RBM28: variants seen among roughly 807,000 people sequenced by gnomAD.
RBM28 encodes the protein RNA-binding protein 28.
In RBM28, 78 loss-of-function variants were observed where a neutral mutation model predicts 98.3. That is an observed-to-expected ratio of 0.79 (90% confidence interval 0.66 to 0.96). RBM28 has a LOEUF of 0.96. RBM28 is among the 40% of genes least tolerant of loss of function. The pLI, the probability that RBM28 is intolerant of heterozygous loss-of-function variation, is 0.00. For synonymous variants in RBM28, 306 were observed against 330.9 expected, an observed-to-expected ratio of 0.92 and a Z score of 0.82; for missense variants, 838 against 913.0, an observed-to-expected ratio of 0.92 and a Z score of 1.06.
At chr7:128,333,856 CAA>C (rs766634243) in intron 8 of RBM28, among the ~76,000 whole-genome samples, 7 of 152,058 alleles carry the variant, frequency 4.6e-5, no homozygotes, top group Admixed American at 1.3e-4. Flanking sequence ...ATTGCAAAAT[CAA>C]AAAGACTGAT....
intron 1 of RBM28, among the ~76,000 whole-genome samples, chr7:128,341,857 C>G (rs1032482437): frequency 1.3e-5 from 2 of 152,166 alleles, no homozygotes; most frequent in African/African-American, 4.8e-5. Context: ...TATGGACGTA[C>G]TCCTATACTA....
chr7:128,331,005 GAGTT>G (rs2116368907), intron 9 of RBM28, 77 bp from the exon 10 acceptor site: 2 of 966,132 alleles, frequency 2.1e-6, no homozygotes, highest in East Asian at 4.8e-5. Context: ...CAATGTAAGT[GAGTT>G]AGATATCAAC....
In RBM28 at chr7:128,316,954, T is replaced by G. The variant is rs142615303; in HGVS notation, c.1788+705A>C. On this transcript the variant is annotated intron_variant, in intron 16 of 18. Coordinates refer to ENST00000223073, the MANE Select transcript of RBM28 (RefSeq NM_018077.3). ...TATGCAAGGGAACTTTGCTGTGCAATATCAATGAGAGCTCTAAGAATGACA... is the reference window on the plus strand; with the variant it reads ...TATGCAAGGGAACTTTGCTGTGCAAGATCAATGAGAGCTCTAAGAATGACA... 7.5e-3 allele frequency among the ~76,000 whole-genome samples: 1,144 copies of G among 152,236 alleles called. 21 individuals are homozygous for G. The highest frequency in any genetic ancestry group is 0.026 in the African/African-American group (1,076 of 41,528).
rs1796522422 is a variant in RBM28, at chr7:128,333,208, A to T, written c.1019+82T>A. 6 of 1,130,308 alleles carry T rather than the reference A, an allele frequency of 5.3e-6. No homozygotes were observed. In the South Asian group the frequency reaches 7.5e-5, roughly 14 times the overall value. 70.0% of individuals were successfully genotyped at this position (1,130,308 alleles called of 1,614,324 possible). On this transcript the variant is annotated intron_variant, in intron 9 of 18. Coordinates refer to ENST00000223073, the MANE Select transcript of RBM28 (RefSeq NM_018077.3). Reference sequence around the variant, plus strand: ...ATCTAATTTCTGGGCTAGGTAACAGAACTAGTGCCAAAAAGAGAAGAAGAA... The same window carrying T: ...ATCTAATTTCTGGGCTAGGTAACAGTACTAGTGCCAAAAAGAGAAGAAGAA...
intron 16 of RBM28, among the ~76,000 whole-genome samples, chr7:128,317,148 G>A (rs991999571): frequency 1.3e-5 from 2 of 152,174 alleles, no homozygotes; most frequent in Non-Finnish European, 2.9e-5. Context: ...ACAAACTGAA[G>A]TTCAGAGCGG....
Position 128,303,674 on chromosome 7 carries a change from T to C in RBM28, c.*7123A>G, listed in dbSNP as rs1056764396. ...AAGTATCTTTCCATCCCTGTTGGTA[T>C]AGTGGTTAGGGGAAAAAAAATTAAA... On this transcript the variant is annotated 3_prime_UTR_variant, in exon 19 of 19. Coordinates refer to ENST00000223073, the MANE Select transcript of RBM28 (RefSeq NM_018077.3). The C allele has an allele frequency of 1.3e-5, 2 of 152,228 alleles. No homozygotes were observed. The highest frequency in any genetic ancestry group is 2.9e-5 in the Non-Finnish European group (2 of 68,048). 9.4% of individuals were successfully genotyped at this position (152,228 alleles called of 1,614,324 possible). A position where few individuals can be genotyped will look rare whatever the true frequency, so the allele number is the denominator to read the frequency against.
rs1795805049 is a variant in RBM28 at position 128,303,225 on chromosome 7, G to C, written c.*7572C>G. 1 of 152,202 alleles carries C rather than the reference G, an allele frequency of 6.6e-6. No homozygotes were observed. The highest frequency in any genetic ancestry group is 1.5e-5 in the Non-Finnish European group (1 of 68,034). The allele number at this position is 152,202 out of a possible 1,614,324, so 9.4% of individuals were successfully genotyped here. A position where few individuals can be genotyped will look rare whatever the true frequency, so the allele number is the denominator to read the frequency against. The stretch of plus-strand genomic sequence containing the variant: ...TGTTCTTATATATGAGACAGTTCCT[G>C]AAATAGGCCCTAGAGACAGCACTCA... On this transcript the variant is annotated 3_prime_UTR_variant, in exon 19 of 19. Transcript: ENST00000223073.
chr7:128,324,443 A>C, intron 12 of RBM28, 116 bp downstream of exon 12: 4 of 1,423,674 alleles, frequency 2.8e-6, no homozygotes, highest in Non-Finnish European at 4.0e-6. Flanking sequence ...TAACACTGTT[A>C]AAGAGAACAT....
In RBM28 at chr7:128,325,826, C is replaced by G. The variant is rs908802951; in HGVS notation, c.1195G>C (p.Glu399Gln). ...GGAAATATCTTCCTTACCTCATTCT[C>G]TGGAGAAGCAGCTAGAAGGCATTTC... ...AQKCLLAASP[E>Q]NEAGGLKLDG... Residue 399 changes from glutamate (E) to glutamine (Q), a missense_variant, in exon 11 of 19, where the codon GAG becomes CAG. By Grantham distance (29) the Glu-to-Gln change is conservative (BLOSUM62 2). Transcript: ENST00000223073. 1.1e-5 allele frequency: 18 copies of G among 1,612,942 alleles called. No homozygotes were observed. Among genetic ancestry groups the G allele is most frequent in the Non-Finnish European group, 1.5e-5 (18 of 1,179,358 alleles).
intron 1 of RBM28, among the ~76,000 whole-genome samples, chr7:128,341,412 A>G (rs1796721775): frequency 1.3e-5 from 2 of 152,228 alleles, no homozygotes; most frequent in South Asian, 4.1e-4. Flanking sequence ...AATACCACAC[A>G]TTTTACATGT....
rs532856087 is a variant in RBM28 at position 128,336,713 on chromosome 7, T to C, written c.613+418A>G. Among the ~76,000 whole-genome samples the C allele has an allele frequency of 4.7e-4, 72 of 152,380 alleles. 1 individual carries two copies. The highest frequency in any genetic ancestry group is 1.9e-3 in the Admixed American group (29 of 15,308). ...CCCTGAAAGCCCAGTCTCATTCTTTTGGTTAATCTTCCACAATAGTCTTAC... is the reference window on the plus strand; with the variant it reads ...CCCTGAAAGCCCAGTCTCATTCTTTCGGTTAATCTTCCACAATAGTCTTAC... On this transcript the variant is annotated intron_variant, in intron 6 of 18. Transcript: ENST00000223073.
chr7:128,332,835 A>C (rs1322258953), intron 9 of RBM28, among the ~76,000 whole-genome samples: 3 of 152,140 alleles, frequency 2.0e-5, no homozygotes, highest in Non-Finnish European at 4.4e-5. Context: ...AGCAACACGA[A>C]ATAAAGCCTA....
At chr7:128,333,554 C>T (rs1357193330) in intron 8 of RBM28, among the ~76,000 whole-genome samples, 192 bp from the exon 9 acceptor site, 1 of 152,118 alleles carries the variant, frequency 6.6e-6, no homozygotes, top group Non-Finnish European at 1.5e-5. Flanking sequence ...CCTGTCTCTA[C>T]TAAAAATACA....
At chr7:128,327,840 CT>C (rs1247513976) in intron 10 of RBM28, among the ~76,000 whole-genome samples, 1 of 152,158 alleles carries the variant, frequency 6.6e-6, no homozygotes, top group Non-Finnish European at 1.5e-5. Context: ...GTAAGTTTAC[CT>C]TTCAGTAGAT....
At chr7:128,330,099 C>CT (rs1434846534) in intron 10 of RBM28, among the ~76,000 whole-genome samples, 8 of 151,774 alleles carry the variant, frequency 5.3e-5, no homozygotes. Context: ...TAGAGTTTTC[C>CT]TTCTAACGGC....
chr7:128,319,585 G>A lies in RBM28; in HGVS notation c.1564-1479C>T, dbSNP rs183000213. 3.6e-4 allele frequency among the ~76,000 whole-genome samples: 55 copies of A among 152,296 alleles called. No homozygotes were observed. In the East Asian group the frequency reaches 5.8e-3, roughly 16 times the overall value. ...GATTAGGAAAACAGTTTATGGTAGCGAAACAGAGTAAAGCAGGCCCAAAAT... is the reference window on the plus strand; with the variant it reads ...GATTAGGAAAACAGTTTATGGTAGCAAAACAGAGTAAAGCAGGCCCAAAAT... On this transcript the variant is annotated intron_variant, in intron 14 of 18. Transcript: ENST00000223073.
chr7:128,310,610 C>G lies in RBM28; in HGVS notation c.*187G>C. The G allele has an allele frequency of 1.5e-6, 1 of 667,210 alleles. No individual in the cohort carries two copies. Among genetic ancestry groups the G allele is most frequent in the Non-Finnish European group, 2.6e-6 (1 of 382,440 alleles). 41.3% of individuals were successfully genotyped at this position (667,210 alleles called of 1,614,324 possible). On this transcript the variant is annotated 3_prime_UTR_variant, in exon 19 of 19. Transcript: ENST00000223073. ...GACTTTCAGATATTTCTCTTTGTGG[C>G]TAACGAACCACACATCAAAGGATGG...
intron 8 of RBM28, among the ~76,000 whole-genome samples, chr7:128,335,191 T>C (rs929321265): frequency 4.6e-5 from 7 of 152,240 alleles, no homozygotes; most frequent in African/African-American, 1.7e-4. Flanking sequence ...TATCATCTGT[T>C]TCATCTATAT....
intron 17 of RBM28, 86 bp downstream of exon 17, chr7:128,314,678 A>T: frequency 3.1e-6 from 5 of 1,595,322 alleles, no homozygotes; most frequent in Middle Eastern, 2.1e-4. Context: ...AACCAAACAA[A>T]TGCCACAAAG....
Sources: allele counts gnomAD v4.1 joint callset (sites outside exome capture counted in the v4.1 genomes callset), GRCh38; gene constraint gnomAD v4.1.1; transcripts MANE v1.5; gene names NCBI Gene and HGNC (gene_info 2026-07-23, HGNC 2026-07-21).